The following ATP5MC2 variants were observed in gnomAD, a reference collection of about 807,000 sequenced individuals.
The protein encoded by ATP5MC2 is ATP synthase F(0) complex subunit C2, mitochondrial.
A neutral mutation model predicts 13.5 loss-of-function variants in ATP5MC2; 11 were observed. That is an observed-to-expected ratio of 0.81 (90% CI 0.51 to 1.35). The LOEUF (loss-of-function observed/expected upper bound fraction) is 1.35. ATP5MC2 is among the 40% of genes most tolerant of loss of function. The probability of loss-of-function intolerance (pLI) is 0.00; values close to 1 mark genes in which losing one functional copy is unlikely to be tolerated. For synonymous variants in ATP5MC2, 64 were observed against 69.7 expected, an observed-to-expected ratio of 0.92 and a Z score of 0.41; for missense variants, 132 against 175.0, an observed-to-expected ratio of 0.75 and a Z score of 1.39.
At chr12:53,667,952 C>CATATATATATATATATAT (rs71068162) in intron 4 of ATP5MC2, among the ~76,000 whole-genome samples, 1 of 110,748 alleles carries the variant, frequency 9.0e-6, no homozygotes, top group Non-Finnish European at 1.9e-5. Context: ...CATACATACA[C>CATATATATATATATATAT]ACACATATAT....
intron 4 of ATP5MC2, among the ~76,000 whole-genome samples, chr12:53,668,839 C>T (rs1229639620): frequency 5.9e-5 from 9 of 151,790 alleles, no homozygotes; most frequent in African/African-American, 2.2e-4. Context: ...GCCAACATGG[C>T]GAAACCCCAT....
chr12:53,672,963 TAAG>T (rs1232297003), intron 1 of ATP5MC2: 2 of 251,770 alleles, frequency 7.9e-6, no homozygotes, highest in African/African-American at 4.6e-5. Context: ...GTCTTTTGCC[TAAG>T]TTTTCCTTAG....
At chr12:53,677,093 TAAAA>T (rs1332251291), upstream of ATP5MC2, 2 of 151,834 alleles carry the variant, frequency 1.3e-5, no homozygotes, top group African/African-American at 4.8e-5. Context: ...AAATAAAAAA[TAAAA>T]AGAAAGCCGC....
At chr12:53,680,322 G>C (rs1221784970), upstream of ATP5MC2, among the ~76,000 whole-genome samples, 3 of 152,174 alleles carry the variant, frequency 2.0e-5, no homozygotes, top group South Asian at 4.1e-4. Context: ...TATGTGCAAA[G>C]TATTGTGCTA....
At chr12:53,673,819 C>CAAA (rs371072145) in intron 1 of ATP5MC2, 17 of 130,640 alleles carry the variant, frequency 1.3e-4, no homozygotes, top group South Asian at 5.4e-4. Flanking sequence ...GAAACTGTCT[C>CAAA]AAAAAAAAAA....
At chr12:53,667,496 C>A (rs569630428) in intron 4 of ATP5MC2, among the ~76,000 whole-genome samples, 7 of 148,392 alleles carry the variant, frequency 4.7e-5, no homozygotes, top group Non-Finnish European at 7.5e-5. Flanking sequence ...TTTAAAAATG[C>A]GAAACTATTT....
intron 2 of ATP5MC2, among the ~76,000 whole-genome samples, chr12:53,671,714 TCTC>T (rs948991938): frequency 6.6e-6 from 1 of 152,096 alleles, no homozygotes; most frequent in Non-Finnish European, 1.5e-5. Context: ...TCTCTATTCT[TCTC>T]CTAAGATGGC....
At chr12:53,675,691 A>G (rs1277847426) in intron 1 of ATP5MC2, among the ~76,000 whole-genome samples, 1 of 152,184 alleles carries the variant, frequency 6.6e-6, no homozygotes, top group African/African-American at 2.4e-5. Flanking sequence ...ATGAGAAGAG[A>G]AAGCAGAGAT....
rs1945018059 is a variant in ATP5MC2, at chr12:53,669,152, C to T, written c.307G>A (p.Ala103Thr). ...TVFGSLIIGYARNPSLKQQLF... is the reference protein window; with the variant it reads ...TVFGSLIIGYTRNPSLKQQLF... ...GGAGGGTCCAACTTATCTTACCTGG[C>T]ATAACCAATGATGAGGCTCCCAAAC... Residue 103 changes from alanine (A) to threonine (T), a missense_variant, in exon 4 of 5, where the codon GCC (alanine) becomes ACC (threonine). By Grantham distance (58) the Ala-to-Thr change is moderately conservative (BLOSUM62 0). Coordinates refer to ENST00000394349, the MANE Select transcript of ATP5MC2 (RefSeq NM_005176.7). 6.2e-6 allele frequency: 10 copies of T among 1,607,418 alleles called. No homozygotes were observed. The Middle Eastern group carries it at 5.0e-4, about 80-fold the overall frequency.
At chr12:53,666,853 G>A (rs1944928662) in intron 4 of ATP5MC2, among the ~76,000 whole-genome samples, 1 of 151,024 alleles carries the variant, frequency 6.6e-6, no homozygotes, top group Non-Finnish European at 1.5e-5. Flanking sequence ...GGCTGAGGCA[G>A]GAGAATCATT....
rs1301703188 is a variant in ATP5MC2 at position 53,665,359 on chromosome 12, C to A, written c.381G>T (p.Gly127=). The change falls in exon 5 of 5, where the codon GGG becomes GGT. Residue 127 remains glycine, a synonymous_variant. Transcript: ENST00000394349. ...GAAAGGCTACCATCAGACAAAAGAG[C>A]CCCATGGCCTCCGAGAGGGCAAAGC... ...ILGFALSEAM[G]LFCLMVAFLI... The A allele has an allele frequency of 3.1e-6, 5 of 1,613,678 alleles. No individual in the cohort carries two copies. Among genetic ancestry groups the A allele is most frequent in the African/African-American group, 1.3e-5 (1 of 74,832 alleles).
At position 53,669,909 on chromosome 12, in the gene ATP5MC2, C is replaced by T; in HGVS notation, c.79G>A (p.Ala27Thr). 1 of 1,614,120 alleles carries T rather than the reference C, an allele frequency of 6.2e-7. No individual in the cohort carries two copies. The highest frequency in any genetic ancestry group is 8.5e-7 in the Non-Finnish European group (1 of 1,179,998). Residue 27 changes from alanine (A) to threonine (T), a missense_variant, in exon 3 of 5, where the codon GCA (alanine) becomes ACA (threonine). Coordinates refer to ENST00000394349, the MANE Select transcript of ATP5MC2 (RefSeq NM_005176.7). ...TSQLLSRPLS[A>T]VVLKRPEILT... ...ATCTCCGGTCGTTTCAGCACCACTGCAGATAGCGGACGGCTCAGCAGCTGT... is the reference window on the plus strand; with the variant it reads ...ATCTCCGGTCGTTTCAGCACCACTGTAGATAGCGGACGGCTCAGCAGCTGT...
At chr12:53,666,594 GA>G (rs987740442) in intron 4 of ATP5MC2, among the ~76,000 whole-genome samples, 8 of 146,292 alleles carry the variant, frequency 5.5e-5, no homozygotes, top group South Asian at 4.3e-4. Flanking sequence ...AAAAAAGAAA[GA>G]AAAAAAATAC....
At chr12:53,675,230 C>G (rs1945229528) in intron 1 of ATP5MC2, among the ~76,000 whole-genome samples, 1 of 152,164 alleles carries the variant, frequency 6.6e-6, no homozygotes, top group Non-Finnish European at 1.5e-5. Flanking sequence ...ACCTTCTTTT[C>G]CTTGTAACAG....
At chr12:53,672,404 T>C (rs1945127896) in intron 2 of ATP5MC2, among the ~76,000 whole-genome samples, 172 bp downstream of exon 2, 1 of 152,022 alleles carries the variant, frequency 6.6e-6, no homozygotes, top group Non-Finnish European at 1.5e-5. Flanking sequence ...GTTTTTTTAG[T>C]AGAGATGGGG....
chr12:53,669,445 A>T (rs2138026685), intron 3 of ATP5MC2, 104 bp from the exon 4 acceptor site: 2 of 1,446,786 alleles, frequency 1.4e-6, no homozygotes, highest in East Asian at 5.0e-5. Flanking sequence ...TCCCCCAAAC[A>T]GAAAATTGTT....
At chr12:53,670,345 C>T (rs1163691513) in intron 2 of ATP5MC2, 1 of 348,184 alleles carries the variant, frequency 2.9e-6, no homozygotes, top group Non-Finnish European at 5.6e-6. Flanking sequence ...ATCCATCATA[C>T]TTTGAAAAAC....
chr12:53,668,439 G>C (rs1396249332), intron 4 of ATP5MC2, among the ~76,000 whole-genome samples: 1 of 151,698 alleles, frequency 6.6e-6, no homozygotes, highest in African/African-American at 2.4e-5. Flanking sequence ...GAATAGCTGG[G>C]ATTATAGGTG....
At chr12:53,679,237 ACGAGAG>A (rs765218551), upstream of ATP5MC2, among the ~76,000 whole-genome samples, 2 of 72,646 alleles carry the variant, frequency 2.8e-5, no homozygotes, top group East Asian at 5.4e-4. Flanking sequence ...GATTTTAAAA[ACGAGAG>A]AGAGAGAGAG....
Sources: allele counts gnomAD v4.1 joint callset (sites outside exome capture counted in the v4.1 genomes callset), GRCh38; gene constraint gnomAD v4.1.1; transcripts MANE v1.5; gene names NCBI Gene and HGNC (gene_info 2026-07-23, HGNC 2026-07-21).